GLE1: variants seen among roughly 807,000 people sequenced by gnomAD.
GLE1 encodes mRNA export factor GLE1.
Under a neutral mutation model 97.3 loss-of-function variants are expected in GLE1, and 78 were observed. That is an observed-to-expected ratio of 0.80 (90% CI 0.67 to 0.97). GLE1 has a LOEUF of 0.97. Ranked by LOEUF, GLE1 falls within the 50% of genes least tolerant of loss-of-function variation. The probability of loss-of-function intolerance (pLI) is 0.00; values close to 1 mark genes in which losing one functional copy is unlikely to be tolerated. For synonymous variants in GLE1, 302 were observed against 313.4 expected (o/e 0.96, Z 0.39); for missense variants, 753 against 857.5 (o/e 0.88, Z 1.52).
chr9:128,539,882 A>G, intron 14 of GLE1, 184 bp downstream of exon 14: 1 of 1,493,694 alleles, frequency 6.7e-7, no homozygotes, highest in African/African-American at 1.4e-5. Flanking sequence ...CCTTAATGAG[A>G]GTCTGTCTTA....
intron 2 of GLE1, among the ~76,000 whole-genome samples, chr9:128,514,503 T>C (rs1054853236): frequency 2.0e-5 from 3 of 149,300 alleles, no homozygotes; most frequent in Admixed American, 6.7e-5. Context: ...AGTGCAGTCG[T>C]ACGATCTCTG....
chr9:128,533,534 T>C lies in GLE1; in HGVS notation c.1334T>C (p.Phe445Ser), dbSNP rs1847593354. The C allele has an allele frequency of 6.2e-7, 1 of 1,613,188 alleles. No individual in the cohort carries two copies. Among genetic ancestry groups the C allele is most frequent in the African/African-American group, 1.3e-5 (1 of 74,870 alleles). ...TCAGGCTCAAAACTGAAGGAGATCT[T>C]TGACAAGATCCACAGCCTGCTCTCT... is the stretch of plus-strand genomic sequence containing the variant. ...TIAGSKLKEI[F>S]DKIHSLLSGK... is the part of the protein sequence containing the mutation. The change falls in exon 10 of 16, where the codon TTT becomes TCT. Residue 445 changes from phenylalanine to serine, a missense_variant. Coordinates refer to ENST00000309971, the MANE Select transcript of GLE1 (RefSeq NM_001003722.2).
intron 7 of GLE1, among the ~76,000 whole-genome samples, chr9:128,526,932 T>C (rs1460313016): frequency 1.3e-5 from 2 of 152,186 alleles, no homozygotes; most frequent in African/African-American, 4.8e-5. Flanking sequence ...ACTGTAATTA[T>C]AGGCGTGGGT....
chr9:128,540,914 T>A (rs777449520), intron 15 of GLE1, 188 bp from the exon 16 acceptor site: 16 of 604,414 alleles, frequency 2.6e-5, no homozygotes, highest in Non-Finnish European at 4.1e-5. Context: ...ATTTCATTTG[T>A]TGTCTGGAGC....
At chr9:128,522,143 C>T (rs563005301) in intron 3 of GLE1, among the ~76,000 whole-genome samples, 293 of 152,318 alleles carry the variant, frequency 1.9e-3, no homozygotes, top group Non-Finnish European at 3.5e-3. Flanking sequence ...AAATTCCTGT[C>T]CGTTCCCAAC....
At chr9:128,528,745 T>G (rs1327062420) in intron 9 of GLE1, among the ~76,000 whole-genome samples, 2 of 152,230 alleles carry the variant, frequency 1.3e-5, no homozygotes, top group Non-Finnish European at 2.9e-5. Context: ...CCTACAACAT[T>G]AGCTTTTCCA....
intron 1 of GLE1, among the ~76,000 whole-genome samples, chr9:128,506,395 A>G (rs7034270): frequency 6.6e-6 from 1 of 152,192 alleles, no homozygotes; most frequent in Non-Finnish European, 1.5e-5. Context: ...TGTATTCATA[A>G]GAATTAAAAA....
intron 9 of GLE1, among the ~76,000 whole-genome samples, chr9:128,528,738 A>G (rs1847386720): frequency 6.6e-6 from 1 of 152,184 alleles, no homozygotes; most frequent in Non-Finnish European, 1.5e-5. Context: ...CTTCTGTCCT[A>G]CAACATTAGC....
Position 128,515,634 on chromosome 9 carries a change from G to A in GLE1, c.427G>A (p.Gly143Arg). The A allele has an allele frequency of 2.6e-6, 4 of 1,546,158 alleles. No individual in the cohort carries two copies. The highest frequency in any genetic ancestry group is 3.6e-6 in the Non-Finnish European group (4 of 1,118,318). Residue 143 changes from glycine to arginine, a missense_variant, in exon 3 of 16, where the codon GGA becomes AGA. Gly to Arg is a moderately radical substitution (Grantham distance 125, BLOSUM62 -2). Transcript: ENST00000309971. ...RMYELVHRMK[G>R]TEGLRLWQEE... ...GTACGAACTGGTACACAGAATGAAA[G>A]GAACAGTAAGTGAACCCATGAAGGA...
intron 9 of GLE1, among the ~76,000 whole-genome samples, chr9:128,531,214 CA>C (rs34976261): frequency 0.041 from 1,681 of 40,856 alleles, 10 homozygotes; most frequent in Middle Eastern, 0.094. Flanking sequence ...AACTCCATCT[CA>C]AAAAAAAAAA....
chr9:128,525,947 A>G (rs982971296), intron 7 of GLE1, among the ~76,000 whole-genome samples: 1 of 152,078 alleles, frequency 6.6e-6, no homozygotes, highest in Non-Finnish European at 1.5e-5. Flanking sequence ...GAATCAGTGT[A>G]CCATAGTGTT....
chr9:128,524,943 A>C (rs949661947), intron 6 of GLE1, among the ~76,000 whole-genome samples: 1 of 152,128 alleles, frequency 6.6e-6, no homozygotes, highest in African/African-American at 2.4e-5. Flanking sequence ...ATATTGTCAC[A>C]AACTTTTTAA....
At position 128,504,778 on chromosome 9, in the gene GLE1, C is replaced by A. The variant is rs765244969; in HGVS notation, c.-28C>A. 4.9e-6 allele frequency: 7 copies of A among 1,414,354 alleles called. No individual in the cohort carries two copies. In the Admixed American group the frequency reaches 5.0e-5, roughly 10 times the overall value. 87.6% of individuals were successfully genotyped at this position (1,414,354 alleles called of 1,614,324 possible). ...AGGGCTTGTTTGGTCAGAAGGGGGG[C>A]GTCAGAGAAGCTGCCCCTTAGCCAA... On this transcript the variant is annotated 5_prime_UTR_variant, in exon 1 of 16. Transcript: ENST00000309971.
chr9:128,538,075 C>CT lies in GLE1; in HGVS notation c.1869dup (p.Asp624Ter), dbSNP rs748684395. On this transcript the variant is annotated frameshift_variant, in exon 13 of 16. Transcript: ENST00000309971. LOFTEE classifies it high-confidence loss of function. Reference sequence around the variant, plus strand: ...TGTCAGATGTGACAGCCACCCTCCTCTTTGACTTCCTGGAGGTACGTAACT... The same window carrying CT: ...TGTCAGATGTGACAGCCACCCTCCTCTTTTGACTTCCTGGAGGTACGTAACT... The CT allele has an allele frequency of 3.8e-6, 6 of 1,590,776 alleles. No homozygotes were observed. The South Asian group carries it at 6.6e-5, about 18-fold the overall frequency.
chr9:128,509,604 A>AT (rs1846744383), intron 2 of GLE1, among the ~76,000 whole-genome samples: 1 of 145,218 alleles, frequency 6.9e-6, no homozygotes, highest in East Asian at 2.0e-4. Context: ...AGAGAGAACT[A>AT]TTTTCCTTTC....
chr9:128,527,120 C>T, intron 7 of GLE1, 59 bp from the exon 8 acceptor site: 2 of 892,254 alleles, frequency 2.2e-6, no homozygotes, highest in East Asian at 2.4e-5. Context: ...CAGTGCCTGC[C>T]TCATATTACA....
Position 128,527,171 on chromosome 9 carries a change from T to G in GLE1, c.1130-8T>G. 1 of 1,496,244 alleles carries G rather than the reference T, an allele frequency of 6.7e-7. No homozygotes were observed. Among genetic ancestry groups the G allele is most frequent in the Non-Finnish European group, 9.3e-7 (1 of 1,072,322 alleles). The allele number at this position is 1,496,244 out of a possible 1,614,324, so 92.7% of individuals were successfully genotyped here. A position where few individuals can be genotyped will look rare whatever the true frequency, so the allele number is the denominator to read the frequency against. ...AGCTATTACTAAAACCTCTCTTTTA[T>G]TTCTCAGACCTCCAGGTGAAGGTAC... is the stretch of plus-strand genomic sequence containing the variant. On this transcript the variant is annotated splice_polypyrimidine_tract_variant and splice_region_variant and intron_variant, in intron 7 of 15. Transcript: ENST00000309971.
chr9:128,540,196 AG>A, intron 14 of GLE1, 78 bp from the exon 15 acceptor site: 2 of 972,464 alleles, frequency 2.1e-6, no homozygotes, highest in Non-Finnish European at 1.7e-6. Context: ...ACTCCAGCCT[AG>A]GTGACAGAGT....
At position 128,539,670 on chromosome 9, in the gene GLE1, A is replaced by G; in HGVS notation, c.1936A>G (p.Ile646Val). ...QYQVQFWKML[I>V]LIKEDYFPRI... ...CCAGGTTCAGTTCTGGAAGATGCTA[A>G]TTCTCATCAAAGAGGACTACTTTCC... The change falls in exon 14 of 16, where the codon ATT (isoleucine) becomes GTT (valine). Residue 646 changes from isoleucine to valine, a missense_variant. By Grantham distance (29) the Ile-to-Val change is conservative (BLOSUM62 3). Transcript: ENST00000309971. 6.2e-7 allele frequency: 1 copy of G among 1,612,188 alleles called. No homozygotes were observed. The highest frequency in any genetic ancestry group is 8.5e-7 in the Non-Finnish European group (1 of 1,178,226).
Sources: gnomAD v4.1 joint callset for allele counts (sites outside exome capture counted in the v4.1 genomes callset) on GRCh38, gnomAD v4.1.1 for gene constraint, MANE v1.5 for transcripts, NCBI Gene and HGNC (gene_info 2026-07-23, HGNC 2026-07-21) for gene names.